LINGO2: variants seen among roughly 807,000 people sequenced by gnomAD.
The protein encoded by LINGO2 is leucine-rich repeat and immunoglobulin-like domain-containing nogo receptor-interacting protein 2.
In LINGO2, 14 loss-of-function variants were observed where a neutral mutation model predicts 30.6. That is an observed-to-expected ratio of 0.46 (90% CI 0.30 to 0.72). The LOEUF (loss-of-function observed/expected upper bound fraction) is 0.72. Ranked by LOEUF, LINGO2 falls within the 30% of genes least tolerant of loss-of-function variation. The pLI, the probability that LINGO2 is intolerant of heterozygous loss-of-function variation, is 0.07. For synonymous variants in LINGO2, 317 were observed against 288.5 expected, an observed-to-expected ratio of 1.10 and a Z score of -1.00; for missense variants, 729 against 751.7, an observed-to-expected ratio of 0.97 and a Z score of 0.35.
chr9:29,013,637 T>C, the LINGO2 span, among the ~76,000 whole-genome samples: 5 of 152,170 alleles, frequency 3.3e-5, no homozygotes, highest in South Asian at 2.1e-4. Flanking sequence ...AATTAACTTG[T>C]AGTCTAGTAG....
At chr9:28,253,839 A>C (rs1020668041) in intron 4 of LINGO2, among the ~76,000 whole-genome samples, 1 of 152,048 alleles carries the variant, frequency 6.6e-6, no homozygotes, top group African/African-American at 2.4e-5. Context: ...GAAAAACTCC[A>C]ACCAGCCTAC....
chr9:28,229,227 T>G (rs1464407190), intron 4 of LINGO2, among the ~76,000 whole-genome samples: 1 of 151,874 alleles, frequency 6.6e-6, no homozygotes, highest in Non-Finnish European at 1.5e-5. Context: ...AAATTATATT[T>G]TGTTCTTATT....
the LINGO2 span, among the ~76,000 whole-genome samples, chr9:29,075,514 T>C: frequency 1.5e-3 from 236 of 152,326 alleles, no homozygotes; most frequent in African/African-American, 5.4e-3. Context: ...CCGTTTCTTT[T>C]ATTTCGAATT....
intron 4 of LINGO2, among the ~76,000 whole-genome samples, chr9:28,100,232 G>T (rs1412116185): frequency 6.6e-6 from 1 of 152,126 alleles, no homozygotes; most frequent in Non-Finnish European, 1.5e-5. Flanking sequence ...GAGTCCCCAT[G>T]AAAGCTTCTC....
At chr9:29,178,335 C>A in the LINGO2 span, among the ~76,000 whole-genome samples, 1 of 152,084 alleles carries the variant, frequency 6.6e-6, no homozygotes, top group African/African-American at 2.4e-5. Context: ...GGATTATAGG[C>A]CCATTTTTTT....
chr9:28,018,586 A>G (rs753752843), intron 4 of LINGO2, among the ~76,000 whole-genome samples: 48 of 152,230 alleles, frequency 3.2e-4, no homozygotes, highest in Admixed American at 7.9e-4. Flanking sequence ...AAGCATATGA[A>G]AAAAATCCTC....
chr9:28,673,150 A>G (rs1829085816), upstream of LINGO2, among the ~76,000 whole-genome samples: 1 of 152,116 alleles, frequency 6.6e-6, no homozygotes. Flanking sequence ...AAATTCCTTC[A>G]GAGTTTTGTG....
chr9:28,691,997 T>C, the LINGO2 span, among the ~76,000 whole-genome samples: 2 of 152,182 alleles, frequency 1.3e-5, no homozygotes, highest in Non-Finnish European at 2.9e-5. Flanking sequence ...TCTAATCTCA[T>C]CCCTCATTAT....
intron 3 of LINGO2, among the ~76,000 whole-genome samples, chr9:28,360,819 C>T: frequency 6.6e-6 from 1 of 152,142 alleles, no homozygotes; most frequent in African/African-American, 2.4e-5. Flanking sequence ...CTGGCCAGCA[C>T]TTCTCTTCTT....
chr9:29,212,601 T>TAA, the LINGO2 span, among the ~76,000 whole-genome samples: 20 of 149,370 alleles, frequency 1.3e-4, no homozygotes, highest in East Asian at 3.8e-3. Flanking sequence ...AATAAAAATT[T>TAA]AAAAAAAAAA....
chr9:28,433,955 A>G (rs62555197), intron 2 of LINGO2, among the ~76,000 whole-genome samples: 1 of 101,984 alleles, frequency 9.8e-6, no homozygotes, highest in South Asian at 3.0e-4. Context: ...CTCTCTATAT[A>G]TATATATATA....
chr9:28,704,299 C>G, the LINGO2 span, among the ~76,000 whole-genome samples: 4 of 151,966 alleles, frequency 2.6e-5, no homozygotes, highest in Non-Finnish European at 5.9e-5. Context: ...TAATTCTTAT[C>G]TTTGCTTCCC....
At chr9:28,517,150 C>G (rs1392195549) in intron 1 of LINGO2, among the ~76,000 whole-genome samples, 1 of 152,206 alleles carries the variant, frequency 6.6e-6, no homozygotes, top group Admixed American at 6.5e-5. Context: ...TTCGTCTTCA[C>G]TTAACCAGAC....
At chr9:27,962,559 A>T (rs1819900331) in intron 5 of LINGO2, among the ~76,000 whole-genome samples, 2 of 152,064 alleles carry the variant, frequency 1.3e-5, no homozygotes, top group Non-Finnish European at 2.9e-5. Flanking sequence ...CCCTTCTACG[A>T]CTGTCCTTCA....
the LINGO2 span, among the ~76,000 whole-genome samples, chr9:28,902,871 A>G: frequency 6.6e-6 from 1 of 151,984 alleles, no homozygotes; most frequent in Non-Finnish European, 1.5e-5. Context: ...AGAGTTCAGA[A>G]AAAACAGTTC....
intron 2 of LINGO2, among the ~76,000 whole-genome samples, chr9:28,441,733 A>G (rs1824205510): frequency 6.6e-6 from 1 of 152,194 alleles, no homozygotes; most frequent in Non-Finnish European, 1.5e-5. Flanking sequence ...AAAATAACAT[A>G]TTATCCTATT....
chr9:28,023,946 T>G (rs1587711740), intron 4 of LINGO2, among the ~76,000 whole-genome samples: 1 of 152,190 alleles, frequency 6.6e-6, no homozygotes, highest in Non-Finnish European at 1.5e-5. Flanking sequence ...TCCAGTAGCA[T>G]CTGTCCAGGG....
intron 4 of LINGO2, among the ~76,000 whole-genome samples, chr9:28,258,789 C>G (rs1242435276): frequency 6.6e-6 from 1 of 151,536 alleles, no homozygotes; most frequent in Non-Finnish European, 1.5e-5. Flanking sequence ...GCTTGCCAAC[C>G]ATATACCATA....
chr9:28,698,600 C>T, the LINGO2 span, among the ~76,000 whole-genome samples: 1 of 151,962 alleles, frequency 6.6e-6, no homozygotes, highest in Admixed American at 6.6e-5. Context: ...AGCTCTACAA[C>T]ATGCTATATT....
Sources: allele counts gnomAD v4.1 joint callset (sites outside exome capture counted in the v4.1 genomes callset), GRCh38; gene constraint gnomAD v4.1.1; transcripts MANE v1.5; gene names NCBI Gene and HGNC (gene_info 2026-07-23, HGNC 2026-07-21).